APPL2: variants seen among roughly 807,000 people sequenced by gnomAD.
APPL2 encodes adaptor protein, phosphotyrosine interacting with PH domain and leucine zipper 2, also known as DCC-interacting protein 13-beta.
In APPL2, 84 loss-of-function variants were observed where a neutral mutation model predicts 92.7. That is an observed-to-expected ratio of 0.91 (90% CI 0.76 to 1.09). The LOEUF (loss-of-function observed/expected upper bound fraction) is 1.09, where lower values mean the gene tolerates loss of function less well. APPL2 is among the 50% of genes least tolerant of loss of function. The probability of loss-of-function intolerance (pLI) is 0.00; values close to 1 mark genes in which losing one functional copy is unlikely to be tolerated. For synonymous variants in APPL2, 291 were observed against 291.0 expected, an observed-to-expected ratio of 1.00 and a Z score of 0.00; for missense variants, 736 against 824.5, an observed-to-expected ratio of 0.89 and a Z score of 1.31.
Position 105,235,843 on chromosome 12 carries a change from G to A in APPL2, c.54+116C>T, listed in dbSNP as rs1234678784. On this transcript the variant is annotated intron_variant, in intron 1 of 20. Coordinates refer to ENST00000258530, the MANE Select transcript of APPL2 (RefSeq NM_018171.5). ...GAACCCGGTGGGAGGCGCCGCGAGG[G>A]GGCCGGGCGCACTCCCGCGGCTGCC... The A allele has an allele frequency of 1.6e-5, 13 of 802,792 alleles. No individual in the cohort carries two copies. The African/African-American group carries it at 1.6e-4, about 10-fold the overall frequency. The allele number at this position is 802,792 out of a possible 1,614,324, so 49.7% of individuals were successfully genotyped here.
At chr12:105,208,223 C>G in intron 5 of APPL2, 24 bp from the exon 6 acceptor site, 1 of 1,613,828 alleles carries the variant, frequency 6.2e-7, no homozygotes, top group Non-Finnish European at 8.5e-7. Flanking sequence ...AAGGGACCGT[C>G]TTAGAGCAAT....
At chr12:105,193,834 T>G (rs974891967) in intron 14 of APPL2, among the ~76,000 whole-genome samples, 3 of 152,206 alleles carry the variant, frequency 2.0e-5, no homozygotes, top group African/African-American at 4.8e-5. Flanking sequence ...ATCCTAAAAT[T>G]TATCCTACTC....
intron 17 of APPL2, 128 bp from the exon 18 acceptor site, chr12:105,177,390 C>T (rs1212533372): frequency 8.2e-6 from 8 of 970,132 alleles, no homozygotes; most frequent in Admixed American, 2.0e-5. Context: ...GAGGGTGAGG[C>T]GAGATAGCTG....
At chr12:105,187,092 T>G (rs1335290083) in intron 17 of APPL2, among the ~76,000 whole-genome samples, 4 of 152,206 alleles carry the variant, frequency 2.6e-5, no homozygotes, top group African/African-American at 9.6e-5. Context: ...TTTCCTTTGA[T>G]CTTTTTGGTG....
rs1885662091 is a variant in APPL2, at chr12:105,177,426, G to C, written c.1635-164C>G. 4.5e-6 allele frequency: 3 copies of C among 666,146 alleles called. No homozygotes were observed. In the Admixed American group the frequency reaches 7.8e-5, roughly 17 times the overall value. 41.3% of individuals were successfully genotyped at this position (666,146 alleles called of 1,614,324 possible). A position where few individuals can be genotyped will look rare whatever the true frequency, so the allele number is the denominator to read the frequency against. On this transcript the variant is annotated intron_variant, in intron 17 of 20. Coordinates refer to ENST00000258530, the MANE Select transcript of APPL2 (RefSeq NM_018171.5). ...TGTGTGACCACGTGTCCTGCTTTCT[G>C]CCTTTAAGGAACCTGTGTAGCTAAA...
intron 8 of APPL2, among the ~76,000 whole-genome samples, chr12:105,205,826 T>C (rs1888652266): frequency 1.3e-5 from 2 of 152,170 alleles, no homozygotes; most frequent in South Asian, 4.1e-4. Flanking sequence ...CAGTATGAGT[T>C]ACTGCACACC....
rs544590572 is a variant in APPL2, at chr12:105,183,209, C to T, written c.1634+5064G>A. Reference sequence around the variant, plus strand: ...AACTGATGGGTCTTGACTCTTTATCCAATGTGCCAGTCTGTGTCTTTTAAT... The same window carrying T: ...AACTGATGGGTCTTGACTCTTTATCTAATGTGCCAGTCTGTGTCTTTTAAT... On this transcript the variant is annotated intron_variant, in intron 17 of 20. Transcript: ENST00000258530. Among the ~76,000 whole-genome samples, 18 of 151,608 alleles carry T rather than the reference C, an allele frequency of 1.2e-4. No individual in the cohort carries two copies. The East Asian group carries it at 3.1e-3, about 26-fold the overall frequency.
chr12:105,188,617 T>G (rs1326399849), intron 16 of APPL2, among the ~76,000 whole-genome samples, 170 bp from the exon 17 acceptor site: 1 of 152,222 alleles, frequency 6.6e-6, no homozygotes, highest in East Asian at 1.9e-4. Context: ...GCGTCTTCCA[T>G]TTGTCTACAT....
At chr12:105,178,261 TTACTA>T (rs1885746240) in intron 17 of APPL2, among the ~76,000 whole-genome samples, 1 of 152,230 alleles carries the variant, frequency 6.6e-6, no homozygotes, top group Non-Finnish European at 1.5e-5. Context: ...ATGTAAATTA[TTACTA>T]TACATTTTAT....
intron 1 of APPL2, 133 bp downstream of exon 1, chr12:105,235,826 T>C: frequency 1.6e-6 from 1 of 609,172 alleles, no homozygotes; most frequent in Non-Finnish European, 2.3e-6. Flanking sequence ...GAGAACCCGG[T>C]GGGAGGCGCC....
chr12:105,218,705 G>A (rs952652101), intron 2 of APPL2, among the ~76,000 whole-genome samples: 1 of 152,238 alleles, frequency 6.6e-6, no homozygotes, highest in Non-Finnish European at 1.5e-5. Context: ...ACACATACTG[G>A]AAGCACAGTG....
chr12:105,179,703 G>A (rs1055333697), intron 17 of APPL2, among the ~76,000 whole-genome samples: 1 of 152,274 alleles, frequency 6.6e-6, no homozygotes, highest in East Asian at 1.9e-4. Context: ...ATCTCATTGT[G>A]GTTTTGATTT....
chr12:105,201,735 T>G (rs1888223337), intron 9 of APPL2, among the ~76,000 whole-genome samples: 1 of 152,042 alleles, frequency 6.6e-6, no homozygotes, highest in African/African-American at 2.4e-5. Flanking sequence ...CACACACATA[T>G]ATATAAAATT....
In APPL2 at chr12:105,197,632, C is replaced by G; in HGVS notation, c.1052+133G>C. 3 of 1,121,554 alleles carry G rather than the reference C, an allele frequency of 2.7e-6. No homozygotes were observed. The South Asian group carries it at 4.5e-5, about 17-fold the overall frequency. 69.5% of individuals were successfully genotyped at this position (1,121,554 alleles called of 1,614,324 possible). On this transcript the variant is annotated intron_variant, in intron 11 of 20. Transcript: ENST00000258530. ...TTAAAGAGAGCAGAAAATCATCCTC[C>G]TGAAAGGTCAACAATACCCAGATTG...
At chr12:105,207,339 G>T in intron 7 of APPL2, 132 bp from the exon 8 acceptor site, 1 of 939,952 alleles carries the variant, frequency 1.1e-6, no homozygotes, top group Non-Finnish European at 1.5e-6. Flanking sequence ...CACAGATAAG[G>T]CTGCACTTCA....
At chr12:105,227,134 TAAAA>T (rs60826041) in intron 2 of APPL2, among the ~76,000 whole-genome samples, 1 of 148,828 alleles carries the variant, frequency 6.7e-6, no homozygotes, top group Non-Finnish European at 1.5e-5. Flanking sequence ...AAATTAAAAA[TAAAA>T]AAAAAAGACT....
intron 11 of APPL2, among the ~76,000 whole-genome samples, chr12:105,196,094 G>A (rs1887621978): frequency 6.6e-6 from 1 of 151,840 alleles, no homozygotes; most frequent in South Asian, 2.1e-4. Flanking sequence ...AAGAAAATGG[G>A]CTTGTAGGTC....
At chr12:105,213,912 C>T (rs970181644) in intron 4 of APPL2, among the ~76,000 whole-genome samples, 1 of 152,150 alleles carries the variant, frequency 6.6e-6, no homozygotes, top group Non-Finnish European at 1.5e-5. Flanking sequence ...TCTGGCTGGG[C>T]GTGGTGGCTC....
intron 1 of APPL2, among the ~76,000 whole-genome samples, chr12:105,232,934 G>C (rs1274309524): frequency 2.0e-5 from 3 of 152,146 alleles, no homozygotes; most frequent in African/African-American, 7.2e-5. Flanking sequence ...GGTTGGAGAG[G>C]GCTGCTCCCA....
Sources: allele counts gnomAD v4.1 joint callset (sites outside exome capture counted in the v4.1 genomes callset), GRCh38; gene constraint gnomAD v4.1.1; transcripts MANE v1.5; gene names NCBI Gene and HGNC (gene_info 2026-07-23, HGNC 2026-07-21).